NXN: variants seen among roughly 807,000 people sequenced by gnomAD.
NXN encodes nucleoredoxin.
Under a neutral mutation model 48.6 loss-of-function variants are expected in NXN, and 16 were observed. The observed-to-expected ratio is 0.33, with a 90% CI of 0.22 to 0.50. The LOEUF is 0.50. Ranked by LOEUF, NXN falls within the 20% of genes least tolerant of loss-of-function variation. The pLI is 0.98. For missense variants in NXN, 492 were observed against 605.5 expected (o/e 0.81, Z 1.97); for synonymous variants, 281 against 269.6 (o/e 1.04, Z -0.41).
intron 5 of NXN, among the ~76,000 whole-genome samples, chr17:812,726 TGTGAGTGTAGGGTGC>T (rs1415896460): frequency 3.6e-4 from 51 of 142,782 alleles, no homozygotes; most frequent in South Asian, 2.0e-3. Flanking sequence ...GTGTAGGGTG[TGTGAGTGTAGGGTGC>T]GTGAGTGAGA....
At chr17:927,042 G>C (rs113979347) in intron 1 of NXN, among the ~76,000 whole-genome samples, 1,548 of 152,022 alleles carry the variant, frequency 0.01, 30 homozygotes, top group African/African-American at 0.032. Context: ...GGCCAGGTGC[G>C]GTGGCTCACG....
intron 1 of NXN, among the ~76,000 whole-genome samples, chr17:925,579 G>A (rs1413436974): frequency 7.9e-5 from 12 of 152,154 alleles, no homozygotes; most frequent in Admixed American, 7.2e-4. Context: ...AGTAGAGACG[G>A]GGTTTCACCA....
chr17:901,157 T>A (rs888277774), intron 1 of NXN, among the ~76,000 whole-genome samples: 11 of 151,948 alleles, frequency 7.2e-5, no homozygotes, highest in African/African-American at 2.4e-4. Context: ...CTGACCTCAC[T>A]TGATCTGCCC....
rs552619488 is a variant in NXN, at chr17:849,348, C to G, written c.361-23270G>C. On this transcript the variant is annotated intron_variant, in intron 1 of 7. Transcript: ENST00000336868. This position sits in a 1 kb window ranked among gnomAD's most constrained non-coding sequence, Gnocchi z 4.2. Reference sequence around the variant, plus strand: ...AGGAGTTAGAGACCACCCTGGCAAACAGGGTGAAATCTCATCTCTACTAAA... The same window carrying G: ...AGGAGTTAGAGACCACCCTGGCAAAGAGGGTGAAATCTCATCTCTACTAAA... Among the ~76,000 whole-genome samples the G allele has an allele frequency of 1.3e-5, 2 of 152,276 alleles. No homozygotes were observed. The highest frequency in any genetic ancestry group is 1.3e-4 in the Admixed American group (2 of 15,294).
intron 1 of NXN, among the ~76,000 whole-genome samples, chr17:850,389 A>T (rs2067911115): frequency 6.6e-6 from 1 of 152,132 alleles, no homozygotes; most frequent in African/African-American, 2.4e-5. Context: ...CCAGCAGCCC[A>T]TTTCTTAAGT....
chr17:950,419 C>G (rs1293160272), intron 1 of NXN, among the ~76,000 whole-genome samples: 2 of 152,162 alleles, frequency 1.3e-5, no homozygotes, highest in African/African-American at 2.4e-5. Context: ...AAGATCTTAT[C>G]CAAGGCAGGG....
intron 1 of NXN, among the ~76,000 whole-genome samples, chr17:957,402 A>C: frequency 6.6e-6 from 1 of 151,954 alleles, no homozygotes; most frequent in East Asian, 1.9e-4. Context: ...GGGAGGCCAA[A>C]GCGGGTGGAT....
intron 5 of NXN, among the ~76,000 whole-genome samples, chr17:818,849 C>A (rs1800329090): frequency 6.6e-6 from 1 of 150,474 alleles, no homozygotes. Flanking sequence ...CGCACCACTG[C>A]ACTCCAGCCT....
At chr17:957,883 C>A (rs2069189589) in intron 1 of NXN, among the ~76,000 whole-genome samples, 1 of 152,160 alleles carries the variant, frequency 6.6e-6, no homozygotes, top group African/African-American at 2.4e-5. Context: ...TCAGTCTTCA[C>A]ACAGAAATCA....
At chr17:888,233 CTTT>C (rs2068369990) in intron 1 of NXN, among the ~76,000 whole-genome samples, 1 of 152,192 alleles carries the variant, frequency 6.6e-6, no homozygotes, top group Admixed American at 6.5e-5. Context: ...ATCTTTACTT[CTTT>C]GAGACAGGGC....
At chr17:820,322 G>A (rs1347039489) in intron 4 of NXN, among the ~76,000 whole-genome samples, 1 of 152,158 alleles carries the variant, frequency 6.6e-6, no homozygotes, top group African/African-American at 2.4e-5. Context: ...CTTTAAAAAA[G>A]GGACTGTGGC....
chr17:904,353 C>G (rs757602019), intron 1 of NXN, among the ~76,000 whole-genome samples: 1 of 152,190 alleles, frequency 6.6e-6, no homozygotes, highest in East Asian at 1.9e-4. Context: ...CCCGTGGCCA[C>G]GAAGGACAAA....
chr17:977,586 CACA>C (rs1049063176), intron 1 of NXN, among the ~76,000 whole-genome samples: 4 of 152,202 alleles, frequency 2.6e-5, no homozygotes, highest in East Asian at 1.9e-4. Flanking sequence ...CAGTAAAAAA[CACA>C]ACAATAGGCT....
At position 903,276 on chromosome 17, in the gene NXN, G is replaced by A. The variant is rs557405114; in HGVS notation, c.360+76043C>T. The stretch of plus-strand genomic sequence containing the variant: ...GCTGGAGTGCAGTGGTGCCATCTTG[G>A]CTCACTGCAACCTCCTCTTCCAGTG... On this transcript the variant is annotated intron_variant, in intron 1 of 7. Transcript: ENST00000336868. Among the ~76,000 whole-genome samples, 21 of 152,188 alleles carry A rather than the reference G, an allele frequency of 1.4e-4. 1 individual carries two copies. Among genetic ancestry groups the A allele is most frequent in the African/African-American group, 5.1e-4 (21 of 41,516 alleles).
At chr17:810,141 G>A (rs112071801) in intron 5 of NXN, among the ~76,000 whole-genome samples, 3 of 95,460 alleles carry the variant, frequency 3.1e-5, no homozygotes, top group South Asian at 7.7e-4. Flanking sequence ...TGCACGTTAC[G>A]AGTCTGTGAC....
rs774012207 is a variant in NXN at position 801,102 on chromosome 17, G to A, written c.1155C>T (p.Tyr385=). The A allele has an allele frequency of 3.5e-5, 55 of 1,562,778 alleles. No individual in the cohort carries two copies. In the African/African-American group the frequency reaches 5.9e-4, roughly 17 times the overall value. The change falls in exon 8 of 8, where the codon TAC becomes TAT. Residue 385 remains tyrosine, a synonymous_variant. Transcript: ENST00000336868. ...EDDMTDSLRD[Y]TNLPEAAPLL... is the part of the protein sequence containing the mutation. ...AAGGGGCAGCCTCAGGCAGGTTGGT[G>A]TAATCTCGCAGGGAGTCAGTCATGT...
intron 1 of NXN, among the ~76,000 whole-genome samples, chr17:931,644 G>A (rs1280905346): frequency 2.0e-5 from 3 of 147,520 alleles, no homozygotes; most frequent in South Asian, 2.2e-4. Flanking sequence ...AGACCATCCC[G>A]GCTAACACAG....
chr17:913,603 C>G (rs574605816), intron 1 of NXN, among the ~76,000 whole-genome samples: 48 of 148,830 alleles, frequency 3.2e-4, no homozygotes, highest in African/African-American at 1.2e-3. Context: ...TCCACCTACC[C>G]CCACGTCCCC....
At chr17:843,969 G>C (rs1474978250) in intron 1 of NXN, among the ~76,000 whole-genome samples, 1 of 152,244 alleles carries the variant, frequency 6.6e-6, no homozygotes, top group Admixed American at 6.5e-5. Context: ...ACTCCGTGGA[G>C]GGAAAACGGT....
Sources: gnomAD v4.1 joint callset for allele counts (sites outside exome capture counted in the v4.1 genomes callset) on GRCh38, gnomAD v4.1.1 for gene constraint, Gnocchi (gnomAD v3.1) non-coding constraint, MANE v1.5 for transcripts, NCBI Gene and HGNC (gene_info 2026-07-23, HGNC 2026-07-21) for gene names.